The following PDE3B variants were observed in gnomAD, a reference collection of about 807,000 sequenced individuals.
The protein encoded by PDE3B is phosphodiesterase 3B.
PDE3B carries 66 observed loss-of-function variants against 116.8 expected under a neutral mutation model. The observed-to-expected ratio is 0.56, with a 90% CI of 0.46 to 0.69. PDE3B has a LOEUF of 0.69. PDE3B is among the 30% of genes least tolerant of loss of function. The pLI, the probability that PDE3B is intolerant of heterozygous loss-of-function variation, is 0.00. For missense variants in PDE3B, 1,384 were observed against 1,368.1 expected (o/e 1.01, Z -0.18); for synonymous variants, 595 against 533.6 (o/e 1.12, Z -1.59).
intron 1 of PDE3B, among the ~76,000 whole-genome samples, chr11:14,669,625 C>T (rs1258661553): frequency 5.8e-5 from 8 of 137,086 alleles, no homozygotes; most frequent in African/African-American, 1.3e-4. Context: ...CCTCACCCCA[C>T]GACAGGCCCC....
chr11:14,750,230 C>T (rs1312792708), intron 1 of PDE3B, among the ~76,000 whole-genome samples: 3 of 151,950 alleles, frequency 2.0e-5, no homozygotes, highest in African/African-American at 7.3e-5. Context: ...CTCCTAGATA[C>T]ATACAGAATA....
intron 13 of PDE3B, among the ~76,000 whole-genome samples, chr11:14,859,621 T>G (rs538662791): frequency 6.6e-6 from 1 of 152,274 alleles, no homozygotes; most frequent in South Asian, 2.1e-4. Flanking sequence ...AAATTAACTT[T>G]ATGTGTTTCT....
chr11:14,840,440 G>A (rs1326077112), intron 11 of PDE3B, among the ~76,000 whole-genome samples: 7 of 152,084 alleles, frequency 4.6e-5, no homozygotes, highest in Non-Finnish European at 8.8e-5. Flanking sequence ...AATCATCAAG[G>A]GGAAGAATTA....
chr11:14,665,524 G>A lies in PDE3B; in HGVS notation c.978+20471G>A, dbSNP rs554727260. ...GATTGTATACCTAGAAAACCCCATT[G>A]TCTCAGCCCAAAATCTCCTTAAGCT... On this transcript the variant is annotated intron_variant, in intron 1 of 15. Coordinates refer to ENST00000282096, the MANE Select transcript of PDE3B (RefSeq NM_000922.4). Among the ~76,000 whole-genome samples the A allele has an allele frequency of 1.3e-3, 204 of 152,278 alleles. 1 individual carries two copies. Among genetic ancestry groups the A allele is most frequent in the African/African-American group, 4.7e-3 (197 of 41,564 alleles).
chr11:14,836,970 T>C (rs1302454194), intron 11 of PDE3B, among the ~76,000 whole-genome samples: 1 of 152,194 alleles, frequency 6.6e-6, no homozygotes, highest in Non-Finnish European at 1.5e-5. Context: ...CACGCTGCCA[T>C]GCCTGGCTAA....
At chr11:14,704,425 T>G (rs1005925271) in intron 1 of PDE3B, among the ~76,000 whole-genome samples, 1 of 151,788 alleles carries the variant, frequency 6.6e-6, no homozygotes, top group Non-Finnish European at 1.5e-5. Flanking sequence ...TTTTGTTTTG[T>G]TTTTATTTAA....
chr11:14,784,567 A>G (rs1858135690), intron 2 of PDE3B, among the ~76,000 whole-genome samples: 1 of 152,148 alleles, frequency 6.6e-6, no homozygotes, highest in African/African-American at 2.4e-5. Context: ...ATTAATCAAG[A>G]TGGAATCATA....
At chr11:14,821,952 T>C (rs917308178) in intron 7 of PDE3B, among the ~76,000 whole-genome samples, 1 of 151,510 alleles carries the variant, frequency 6.6e-6, no homozygotes, top group Non-Finnish European at 1.5e-5. Flanking sequence ...TCATCCAGGC[T>C]AGAGAGTACA....
intron 1 of PDE3B, among the ~76,000 whole-genome samples, chr11:14,646,193 G>C (rs180744421): frequency 7.2e-5 from 11 of 152,154 alleles, no homozygotes; most frequent in Non-Finnish European, 1.5e-4. Flanking sequence ...CAATATGTTG[G>C]AGACAAAAGT....
intron 11 of PDE3B, 24 bp from the exon 12 acceptor site, chr11:14,843,803 A>T: frequency 6.3e-7 from 1 of 1,587,216 alleles, no homozygotes; most frequent in Non-Finnish European, 8.7e-7. Context: ...ATGCTGGTTT[A>T]TTTTGCTATT....
At chr11:14,703,138 A>AT (rs544452119) in intron 1 of PDE3B, among the ~76,000 whole-genome samples, 54 of 151,802 alleles carry the variant, frequency 3.6e-4, no homozygotes, top group Non-Finnish European at 6.8e-4. Flanking sequence ...AATTGCTCAT[A>AT]TTTTTTTGGG....
chr11:14,869,582 T>G lies in PDE3B; in HGVS notation c.3261T>G (p.Asn1087Lys). 6.2e-7 allele frequency: 1 copy of G among 1,613,920 alleles called. No individual in the cohort carries two copies. The highest frequency in any genetic ancestry group is 1.1e-5 in the South Asian group (1 of 91,048). Residue 1087 changes from asparagine to lysine, a missense_variant, in exon 16 of 16, where the codon AAT becomes AAG. Transcript: ENST00000282096. ...AAGAAAAATGTAAAGCTGATGGGAA[T>G]AAACTGCAGGTGGAGAATTCCTCCT... is the stretch of plus-strand genomic sequence containing the variant. Reference protein sequence around the residue: ...EEEEKCKADGNKLQVENSSLP... With the variant: ...EEEEKCKADGKKLQVENSSLP...
chr11:14,649,466 GA>G (rs1201141579), intron 1 of PDE3B, among the ~76,000 whole-genome samples: 3 of 152,186 alleles, frequency 2.0e-5, no homozygotes, highest in African/African-American at 7.2e-5. Flanking sequence ...GGAAAACGGG[GA>G]CTAGAACCTA....
At chr11:14,694,692 A>T (rs1036063505) in intron 1 of PDE3B, among the ~76,000 whole-genome samples, 1 of 152,188 alleles carries the variant, frequency 6.6e-6, no homozygotes, top group Non-Finnish European at 1.5e-5. Flanking sequence ...TTCATGTGAC[A>T]TGCTTTATTC....
At chr11:14,849,915 T>C (rs1847704889) in intron 12 of PDE3B, among the ~76,000 whole-genome samples, 1 of 151,888 alleles carries the variant, frequency 6.6e-6, no homozygotes, top group African/African-American at 2.4e-5. Context: ...TCAACCATTG[T>C]GGAAGTCAGT....
rs1238465944 is a variant in PDE3B at position 14,718,514 on chromosome 11, G to C, written c.979-53423G>C. 1.4e-4 allele frequency among the ~76,000 whole-genome samples: 21 copies of C among 148,664 alleles called. No homozygotes were observed. The South Asian group carries it at 3.7e-3, about 26-fold the overall frequency. Reference sequence around the variant, plus strand: ...CACCTATTCCAAAATTGACCACATAGTTGGAAGTAAAGCTCTCCTCAGCAA... The same window carrying C: ...CACCTATTCCAAAATTGACCACATACTTGGAAGTAAAGCTCTCCTCAGCAA... On this transcript the variant is annotated intron_variant, in intron 1 of 15. Transcript: ENST00000282096.
chr11:14,896,582 A>C, the PDE3B span, among the ~76,000 whole-genome samples: 1 of 152,230 alleles, frequency 6.6e-6, no homozygotes. Context: ...ACAAGTGTGC[A>C]TAACATAGGA....
intron 1 of PDE3B, among the ~76,000 whole-genome samples, chr11:14,711,589 G>A (rs752380633): frequency 6.6e-6 from 1 of 152,058 alleles, no homozygotes; most frequent in African/African-American, 2.4e-5. Context: ...GGTGCGGGAG[G>A]TGCCGGACTT....
At chr11:14,753,999 C>G (rs1393362664) in intron 1 of PDE3B, among the ~76,000 whole-genome samples, 1 of 151,548 alleles carries the variant, frequency 6.6e-6, no homozygotes, top group Non-Finnish European at 1.5e-5. Flanking sequence ...ACTTCTTGTC[C>G]TGTTTAGATT....
Sources: allele counts gnomAD v4.1 joint callset (sites outside exome capture counted in the v4.1 genomes callset), GRCh38; gene constraint gnomAD v4.1.1; transcripts MANE v1.5; gene names NCBI Gene and HGNC (gene_info 2026-07-23, HGNC 2026-07-21).